The following PTOV1 variants were observed in gnomAD, a reference collection of about 807,000 sequenced individuals.
PTOV1 encodes prostate tumor-overexpressed gene 1 protein.
Under a neutral mutation model 58.0 loss-of-function variants are expected in PTOV1, and 20 were observed. That is an observed-to-expected ratio of 0.34 (90% CI 0.24 to 0.50). The LOEUF is 0.50. PTOV1 is among the 20% of genes least tolerant of loss of function. The pLI is 0.98. For synonymous variants in PTOV1, 335 were observed against 234.2 expected, an observed-to-expected ratio of 1.43 and a Z score of -3.93; for missense variants, 593 against 565.4, an observed-to-expected ratio of 1.05 and a Z score of -0.50.
rs2074381708 is a variant in PTOV1 at position 49,854,637 on chromosome 19, C to T, written c.310-15C>T. 1 of 1,613,258 alleles carries T rather than the reference C, an allele frequency of 6.2e-7. No homozygotes were observed. Among genetic ancestry groups the T allele is most frequent in the African/African-American group, 1.3e-5 (1 of 74,906 alleles). ...ATCTAGGCTGTGCACAGTGACGCCC[C>T]TCCTGCCCCCACAGAAGCGCAGACC... On this transcript the variant is annotated splice_polypyrimidine_tract_variant and intron_variant, in intron 2 of 11. Coordinates refer to ENST00000391842, the Ensembl canonical transcript of PTOV1.
chr19:49,851,517 T>C lies in PTOV1; in HGVS notation c.171+18T>C, dbSNP rs1341886695. The C allele has an allele frequency of 9.1e-5, 105 of 1,155,522 alleles. No homozygotes were observed. The highest frequency in any genetic ancestry group is 1.1e-4 in the Non-Finnish European group (104 of 932,440). 71.6% of individuals were successfully genotyped at this position (1,155,522 alleles called of 1,614,324 possible). Reference sequence around the variant, plus strand: ...CTCCCATGGTGAGCCCCCCGCCCTTTTTCCAGAGCCTTCCACGGCCCCGCC... The same window carrying C: ...CTCCCATGGTGAGCCCCCCGCCCTTCTTCCAGAGCCTTCCACGGCCCCGCC... On this transcript the variant is annotated intron_variant, in intron 1 of 11. Coordinates refer to ENST00000391842, the Ensembl canonical transcript of PTOV1.
At position 49,853,599 on chromosome 19, in the gene PTOV1, G is replaced by A. The variant is rs191361869; in HGVS notation, c.172-807G>A. Among the ~76,000 whole-genome samples, 5 of 148,666 alleles carry A rather than the reference G, an allele frequency of 3.4e-5. No homozygotes were observed. In the East Asian group the frequency reaches 9.8e-4, roughly 29 times the overall value. ...ACCACTGCACTCCAGTCTGGGAAAT[G>A]AGTGAAACTCTGTCTCAAAAAAAAA... On this transcript the variant is annotated intron_variant, in intron 1 of 11. Coordinates refer to ENST00000391842, the Ensembl canonical transcript of PTOV1.
At chr19:49,860,352 G>A (rs750798311) in exon 12 of PTOV1, 2 of 1,262,984 alleles carry the variant, frequency 1.6e-6, no homozygotes, top group South Asian at 1.2e-5. Flanking sequence ...TGGTGACCCT[G>A]TCATGTACAG....
chr19:49,860,624 T>C, exon 12 of PTOV1: 1 of 474,990 alleles, frequency 2.1e-6, no homozygotes, highest in South Asian at 3.4e-5. Context: ...GTGACACGCT[T>C]CTGAGCAGGG....
chr19:49,860,503 CATGGGAGGTG>C (rs1467567402), exon 12 of PTOV1: 5 of 676,462 alleles, frequency 7.4e-6, no homozygotes, highest in Non-Finnish European at 1.2e-5. Flanking sequence ...GCCTCAGGGC[CATGGGAGGTG>C]GTATCCAGGC....
chr19:49,854,919 C>T (rs12974049), intron 4 of PTOV1, 31 bp downstream of exon 4: 1 of 1,561,818 alleles, frequency 6.4e-7, no homozygotes, highest in South Asian at 1.2e-5. Context: ...CCCATCCACT[C>T]TGAGCACCCC....
chr19:49,851,680 C>T, intron 1 of PTOV1, 181 bp downstream of exon 1: 3 of 1,153,242 alleles, frequency 2.6e-6, no homozygotes, highest in East Asian at 3.9e-5. Context: ...CGCGCTCTCC[C>T]CTTTGTTGCG....
At chr19:49,855,309 G>A (rs1048799681) in intron 5 of PTOV1, 6 of 559,672 alleles carry the variant, frequency 1.1e-5, no homozygotes, top group African/African-American at 9.4e-5. Context: ...GCCCAGCTTC[G>A]AGGTGGCCCT....
intron 10 of PTOV1, chr19:49,859,006 C>T (rs922210397): frequency 3.0e-5 from 6 of 202,926 alleles, no homozygotes; most frequent in Non-Finnish European, 5.0e-5. Flanking sequence ...GGGCTGTCTG[C>T]CCCCAGCAAG....
chr19:49,854,991 C>T (rs373985365), exon 5 of PTOV1: 73 of 1,599,184 alleles, frequency 4.6e-5, no homozygotes, highest in South Asian at 3.4e-5. Context: ...CCCCCTGTTC[C>T]GGAACTCCCA....
At chr19:49,860,390 T>TG in exon 12 of PTOV1, 6 of 341,262 alleles carry the variant, frequency 1.8e-5, no homozygotes, top group Non-Finnish European at 3.3e-5. Flanking sequence ...GTGGGGGGGG[T>TG]GGGGTTGGGA....
intron 5 of PTOV1, 93 bp from the exon 6 acceptor site, chr19:49,856,882 C>A: frequency 6.8e-7 from 1 of 1,474,410 alleles, no homozygotes; most frequent in Non-Finnish European, 9.3e-7. Context: ...CCGATGATCT[C>A]CCTTCATCCC....
intron 5 of PTOV1, 134 bp from the exon 6 acceptor site, chr19:49,856,841 C>T: frequency 9.3e-7 from 1 of 1,076,870 alleles, no homozygotes; most frequent in South Asian, 1.5e-5. Flanking sequence ...TCACCTATGG[C>T]CATGGCCTTG....
chr19:49,853,346 G>A (rs1000377580), intron 1 of PTOV1: 10 of 152,090 alleles, frequency 6.6e-5, no homozygotes, highest in African/African-American at 2.4e-4. Context: ...GCTTTGAGAT[G>A]TTTTTGGTTT....
intron 10 of PTOV1, chr19:49,859,321 T>A (rs2074636134): frequency 6.5e-6 from 1 of 152,682 alleles, no homozygotes. Flanking sequence ...CCGGGTGCGG[T>A]GGCTCACGCC....
intron 1 of PTOV1, 42 bp downstream of exon 1, chr19:49,851,541 C>A: frequency 1.5e-5 from 16 of 1,034,016 alleles, no homozygotes; most frequent in Non-Finnish European, 1.9e-5. Flanking sequence ...CACGGCCCCG[C>A]CCCCCCAGCC....
exon 12 of PTOV1, chr19:49,860,559 G>T: frequency 3.4e-6 from 2 of 579,988 alleles, no homozygotes; most frequent in South Asian, 2.2e-5. Flanking sequence ...CAGGGATGTG[G>T]GGTCAGTGCT....
chr19:49,859,810 G>A (rs932299296), intron 10 of PTOV1, 176 bp from the exon 11 acceptor site: 1 of 662,422 alleles, frequency 1.5e-6, no homozygotes, highest in African/African-American at 1.8e-5. Flanking sequence ...CCCACCCATT[G>A]CTCTTGGCCA....
Position 49,857,168 on chromosome 19 carries a change from G to A in PTOV1, c.714+38G>A, listed in dbSNP as rs10419329. On this transcript the variant is annotated intron_variant, in intron 6 of 11. Transcript: ENST00000391842. ...AGCACAGCCCCTCTGGGGACAGAGG[G>A]GGATTAGACCCCACTGCCCTGGTTG... 583 of 1,612,276 alleles carry A rather than the reference G, an allele frequency of 3.6e-4. 1 individual carries two copies. The African/African-American group carries it at 6.7e-3, about 19-fold the overall frequency.
Sources: gnomAD v4.1 joint callset for allele counts (sites outside exome capture counted in the v4.1 genomes callset) on GRCh38, gnomAD v4.1.1 for gene constraint, MANE v1.5 for transcripts, NCBI Gene and HGNC (gene_info 2026-07-23, HGNC 2026-07-21) for gene names.